Variants in PTPN13 observed in about 807,000 individuals in gnomAD.
PTPN13 encodes the protein protein tyrosine phosphatase non-receptor type 13.
Under a neutral mutation model 284.0 loss-of-function variants are expected in PTPN13, and 191 were observed. The observed-to-expected ratio is 0.67, with a 90% confidence interval of 0.60 to 0.76. The LOEUF (loss-of-function observed/expected upper bound fraction) is 0.76, where lower values mean the gene tolerates loss of function less well. Ranked by LOEUF, PTPN13 falls within the 30% of genes least tolerant of loss-of-function variation. The pLI is 0.00. For missense variants in PTPN13, 2,797 were observed against 2,939.9 expected, an observed-to-expected ratio of 0.95 and a Z score of 1.12; for synonymous variants, 986 against 1,022.3, an observed-to-expected ratio of 0.96 and a Z score of 0.68.
chr4:86,720,303 A>G (rs1402641194), intron 9 of PTPN13, among the ~76,000 whole-genome samples: 1 of 152,168 alleles, frequency 6.6e-6, no homozygotes, highest in Non-Finnish European at 1.5e-5. Flanking sequence ...AGGTTATGAG[A>G]GAATCCTAAT....
chr4:86,775,504 C>T lies in PTPN13; in HGVS notation c.5743C>T (p.Pro1915Ser), dbSNP rs1740531995. The change falls in exon 35 of 48, where the codon CCA becomes TCA. Residue 1915 changes from proline to serine, a missense_variant. Transcript: ENST00000411767. ...AGTGGTATATATTAGTGATATTAAT[C>T]CAAGGTCCGTCGCAGCCATTGAGGG... ...YQVVYISDIN[P>S]RSVAAIEGNL... The T allele has an allele frequency of 3.1e-6, 5 of 1,611,886 alleles. No homozygotes were observed. The highest frequency in any genetic ancestry group is 2.7e-5 in the African/African-American group (2 of 74,824).
chr4:86,611,183 AC>A (rs1765229913), intron 1 of PTPN13, among the ~76,000 whole-genome samples: 1 of 152,246 alleles, frequency 6.6e-6, no homozygotes, highest in African/African-American at 2.4e-5. Flanking sequence ...ATCCTCTTGT[AC>A]AAACTCTGTA....
rs750026868 is a variant in PTPN13, at chr4:86,734,782, T to C, written c.2058T>C (p.Asp686=). Residue 686 remains aspartate, a synonymous_variant, in exon 14 of 48, where the codon GAT becomes GAC. Transcript: ENST00000411767. ...CHQYYLQLRK[D]ILEERMHCDD... ...AGTATTACCTTCAGCTTCGAAAAGA[T>C]ATTTTGGAGGAAAGGATGCACTGTG... 1 of 1,613,392 alleles carries C rather than the reference T, an allele frequency of 6.2e-7. No homozygotes were observed. Among genetic ancestry groups the C allele is most frequent in the African/African-American group, 1.3e-5 (1 of 75,040 alleles).
intron 20 of PTPN13, among the ~76,000 whole-genome samples, chr4:86,756,561 A>G (rs946425244): frequency 6.6e-6 from 1 of 152,108 alleles, no homozygotes; most frequent in African/African-American, 2.4e-5. Context: ...GAAACAACAG[A>G]ATAGGAATAT....
chr4:86,798,582 G>A (rs575381821), intron 41 of PTPN13, among the ~76,000 whole-genome samples: 2 of 152,226 alleles, frequency 1.3e-5, no homozygotes, highest in South Asian at 4.2e-4. Context: ...ACCAAAGAGG[G>A]CATCTGTTAT....
chr4:86,798,347 C>CAGA (rs1422132913), intron 41 of PTPN13, among the ~76,000 whole-genome samples: 3 of 152,180 alleles, frequency 2.0e-5, no homozygotes, highest in Non-Finnish European at 4.4e-5. Flanking sequence ...CAGGGGGAAA[C>CAGA]ATCTGTCATA....
chr4:86,617,438 A>G (rs183205399), intron 1 of PTPN13, among the ~76,000 whole-genome samples: 27 of 152,130 alleles, frequency 1.8e-4, no homozygotes, highest in Admixed American at 4.6e-4. Flanking sequence ...ACTTTTTTAA[A>G]TTATATTTTA....
chr4:86,638,788 A>T (rs1039487833), intron 2 of PTPN13, among the ~76,000 whole-genome samples: 2 of 152,188 alleles, frequency 1.3e-5, no homozygotes, highest in Admixed American at 6.5e-5. Flanking sequence ...TTCATGTCTA[A>T]AACACCAAAA....
chr4:86,702,747 T>G, intron 7 of PTPN13, among the ~76,000 whole-genome samples: 1 of 152,140 alleles, frequency 6.6e-6, no homozygotes, highest in Non-Finnish European at 1.5e-5. Flanking sequence ...AAAGAAGAGA[T>G]AATTTTTAAT....
chr4:86,686,767 C>T lies in PTPN13; in HGVS notation c.352C>T (p.Gln118Ter), dbSNP rs1445398500. 2 of 1,575,498 alleles carry T rather than the reference C, an allele frequency of 1.3e-6. No individual in the cohort carries two copies. The highest frequency in any genetic ancestry group is 1.8e-5 in the Admixed American group (1 of 56,036). ...LYWGADYEVP[Q>*]SQPIKLGDHL... is the part of the protein sequence containing the mutation. Reference sequence around the variant, plus strand: ...TTGGGGGGCTGATTATGAAGTGCCTCAGAGCCAAGTAAGTTAAGTTTTTAC... The same window carrying T: ...TTGGGGGGCTGATTATGAAGTGCCTTAGAGCCAAGTAAGTTAAGTTTTTAC... The change falls in exon 4 of 48, where the codon CAG becomes TAG. Residue 118 changes from glutamine to a stop codon, truncating the protein, a stop_gained. Transcript: ENST00000411767. LOFTEE classifies it high-confidence loss of function.
At chr4:86,752,785 A>G (rs1008419007) in intron 19 of PTPN13, among the ~76,000 whole-genome samples, 2 of 152,182 alleles carry the variant, frequency 1.3e-5, no homozygotes, top group African/African-American at 4.8e-5. Flanking sequence ...GTATTGTCAG[A>G]AACAATATAT....
At chr4:86,623,245 T>A (rs956505205) in intron 1 of PTPN13, among the ~76,000 whole-genome samples, 3 of 152,100 alleles carry the variant, frequency 2.0e-5, no homozygotes, top group African/African-American at 7.2e-5. Context: ...GGAAGAAAAG[T>A]TTGTTCCAGT....
chr4:86,720,099 A>G (rs1443367579), intron 9 of PTPN13, among the ~76,000 whole-genome samples: 1 of 152,198 alleles, frequency 6.6e-6, no homozygotes. Flanking sequence ...CACTTTAGCC[A>G]ATTGAAAACT....
chr4:86,766,745 A>G (rs940906604), intron 27 of PTPN13: 5 of 355,470 alleles, frequency 1.4e-5, no homozygotes, highest in Admixed American at 4.7e-5. Context: ...TAACGCTTAC[A>G]TTACCAAAGA....
intron 2 of PTPN13, among the ~76,000 whole-genome samples, chr4:86,667,781 C>T (rs1272689800): frequency 6.6e-6 from 1 of 152,082 alleles, no homozygotes; most frequent in Admixed American, 6.6e-5. Flanking sequence ...CCTGAATATG[C>T]AAAGGGATTT....
intron 3 of PTPN13, among the ~76,000 whole-genome samples, chr4:86,684,505 T>A (rs767785593): frequency 1.3e-5 from 2 of 152,220 alleles, no homozygotes; most frequent in Non-Finnish European, 2.9e-5. Flanking sequence ...GTCATTATTT[T>A]AAAATTTGAA....
intron 23 of PTPN13, among the ~76,000 whole-genome samples, 200 bp downstream of exon 23, chr4:86,759,273 A>G (rs1353451073): frequency 1.3e-5 from 2 of 152,302 alleles, no homozygotes; most frequent in South Asian, 2.1e-4. Context: ...ATATTACATA[A>G]TAGTTATATA....
intron 32 of PTPN13, 81 bp downstream of exon 32, chr4:86,773,039 AAAGCTAT>A: frequency 1.9e-6 from 2 of 1,067,292 alleles, no homozygotes; most frequent in Non-Finnish European, 1.3e-6. Context: ...CTTTAGGGAA[AAAGCTAT>A]CTTTAAAATA....
chr4:86,689,666 T>C (rs1729821379), intron 5 of PTPN13: 2 of 702,384 alleles, frequency 2.8e-6, no homozygotes, highest in Middle Eastern at 2.3e-4. Context: ...GGAACACTGC[T>C]ACCTAGTGTA....
Sources: allele counts gnomAD v4.1 joint callset (sites outside exome capture counted in the v4.1 genomes callset), GRCh38; gene constraint gnomAD v4.1.1; transcripts MANE v1.5; gene names NCBI Gene and HGNC (gene_info 2026-07-23, HGNC 2026-07-21).